The following CDH13 variants were observed in gnomAD, a reference collection of about 807,000 sequenced individuals.
CDH13 encodes the protein cadherin 13, also known as cadherin-13.
In CDH13, 24 loss-of-function variants were observed where a neutral mutation model predicts 63.8. The ratio of observed to expected loss-of-function variants is 0.38; its 90% CI spans 0.27 to 0.53. The LOEUF (loss-of-function observed/expected upper bound fraction) is 0.53. CDH13 is among the 20% of genes least tolerant of loss of function. CDH13 has a pLI of 0.85. For missense variants in CDH13, 1,049 were observed against 903.1 expected (o/e 1.16, Z -2.07); for synonymous variants, 503 against 355.3 (o/e 1.42, Z -4.67).
intron 10 of CDH13, among the ~76,000 whole-genome samples, chr16:83,736,456 T>A (rs1331080818): frequency 6.6e-6 from 1 of 152,208 alleles, no homozygotes; most frequent in Non-Finnish European, 1.5e-5. Context: ...ACCCTGAATC[T>A]CTTTGTCTGT....
intron 3 of CDH13, among the ~76,000 whole-genome samples, chr16:83,124,762 A>C (rs1415725484): frequency 6.6e-6 from 1 of 152,186 alleles, no homozygotes; most frequent in Non-Finnish European, 1.5e-5. Flanking sequence ...GTTTAGGCCA[A>C]CACCATTTAT....
intron 1 of CDH13, among the ~76,000 whole-genome samples, chr16:82,781,824 C>G (rs2035768393): frequency 6.6e-6 from 1 of 152,162 alleles, no homozygotes; most frequent in African/African-American, 2.4e-5. Flanking sequence ...CCTTAAAGAG[C>G]TTAGGATCTA....
intron 6 of CDH13, among the ~76,000 whole-genome samples, chr16:83,401,019 G>A (rs776293976): frequency 4.6e-5 from 7 of 152,058 alleles, no homozygotes; most frequent in Non-Finnish European, 7.4e-5. Flanking sequence ...CCTGGCCAAC[G>A]TGGTGAAACC....
At chr16:82,711,353 G>A (rs183191238) in intron 1 of CDH13, among the ~76,000 whole-genome samples, 1 of 152,260 alleles carries the variant, frequency 6.6e-6, no homozygotes, top group Admixed American at 6.5e-5. Flanking sequence ...TTTTAAACCT[G>A]TGTTCTCCAG....
intron 2 of CDH13, among the ~76,000 whole-genome samples, chr16:82,911,943 C>T (rs903890302): frequency 1.3e-5 from 2 of 152,022 alleles, no homozygotes; most frequent in Non-Finnish European, 1.5e-5. Context: ...CCACCCGGCA[C>T]TTGCTGACTC....
chr16:83,527,436 G>A (rs113625703), intron 7 of CDH13, among the ~76,000 whole-genome samples: 8,304 of 151,220 alleles, frequency 0.055, 752 homozygotes, highest in African/African-American at 0.19. Flanking sequence ...GCGACAAAGC[G>A]AGACCCCATC....
At chr16:82,740,651 A>C (rs2033886592) in intron 1 of CDH13, among the ~76,000 whole-genome samples, 1 of 152,124 alleles carries the variant, frequency 6.6e-6, no homozygotes, top group African/African-American at 2.4e-5. Context: ...CATTCTTCTG[A>C]GGACAGCGTG....
intron 6 of CDH13, among the ~76,000 whole-genome samples, chr16:83,388,340 C>T (rs992693981): frequency 2.6e-5 from 4 of 151,090 alleles, no homozygotes. Flanking sequence ...GTAGTCCCAA[C>T]TACTTGGGAG....
Position 83,736,594 on chromosome 16 carries a change from C to T in CDH13, c.1539-11514C>T, listed in dbSNP as rs745332103. Among the ~76,000 whole-genome samples the T allele has an allele frequency of 9.9e-5, 15 of 151,562 alleles. 1 individual carries two copies. The highest frequency in any genetic ancestry group is 1.8e-4 in the Non-Finnish European group (12 of 67,974). On this transcript the variant is annotated intron_variant, in intron 10 of 13. Transcript: ENST00000567109. ...AAAGACACTTATAAAGTTGTGAAGA[C>T]GTTGTTTCCTTACTCTAATAGCTGC...
At chr16:83,284,803 A>C (rs2089267945) in intron 5 of CDH13, among the ~76,000 whole-genome samples, 1 of 152,186 alleles carries the variant, frequency 6.6e-6, no homozygotes, top group Non-Finnish European at 1.5e-5. Context: ...AGTATAATAC[A>C]ATATAATGTG....
At chr16:83,484,286 T>C (rs981319454) in intron 6 of CDH13, among the ~76,000 whole-genome samples, 2 of 152,220 alleles carry the variant, frequency 1.3e-5, no homozygotes, top group East Asian at 3.9e-4. Flanking sequence ...TCCTTTAGGC[T>C]TCAGTGTTTT....
At chr16:83,367,223 A>T (rs915910523) in intron 6 of CDH13, among the ~76,000 whole-genome samples, 1 of 152,190 alleles carries the variant, frequency 6.6e-6, no homozygotes, top group African/African-American at 2.4e-5. Context: ...GCAGTCATGC[A>T]ATATGTGGCC....
At position 83,798,664 on chromosome 16, in the gene CDH13, C is replaced by T. The variant is rs948276900; in HGVS notation, c.*3634C>T. 6.6e-6 allele frequency: 1 copy of T among 152,172 alleles called. No individual in the cohort carries two copies. The highest frequency in any genetic ancestry group is 6.5e-5 in the Admixed American group (1 of 15,276). The allele number at this position is 152,172 out of a possible 1,614,324, so 9.4% of individuals were successfully genotyped here. On this transcript the variant is annotated 3_prime_UTR_variant, in exon 14 of 14. Transcript: ENST00000567109. ...TGCCACTCTCAACCCAGGAGCAAAA[C>T]CAGACAAAGTGCCTACTGCAGACCG...
At chr16:83,443,298 C>T (rs9939319) in intron 6 of CDH13, among the ~76,000 whole-genome samples, 59,561 of 151,888 alleles carry the variant, frequency 0.39, 12,020 homozygotes, top group African/African-American at 0.48. Context: ...GCTGGGAGGC[C>T]CTTCCGCAAC....
intron 7 of CDH13, among the ~76,000 whole-genome samples, chr16:83,543,188 A>G (rs2075324909): frequency 1.3e-5 from 2 of 152,242 alleles, no homozygotes; most frequent in South Asian, 4.1e-4. Flanking sequence ...TGCATAAAAG[A>G]CTTCGATATT....
At chr16:83,655,368 A>G (rs1474247472) in intron 8 of CDH13, 1 of 152,288 alleles carries the variant, frequency 6.6e-6, no homozygotes, top group African/African-American at 2.4e-5. Flanking sequence ...ACCGAGGCTT[A>G]CAGAGGTGAA....
intron 8 of CDH13, among the ~76,000 whole-genome samples, chr16:83,619,282 G>A (rs1430991333): frequency 1.3e-5 from 2 of 152,192 alleles, no homozygotes; most frequent in Non-Finnish European, 2.9e-5. Context: ...GGGACAACCA[G>A]CCAACCAGCA....
rs937503223 is a variant in CDH13, at chr16:83,462,440, G to A, written c.782-24037G>A. On this transcript the variant is annotated intron_variant, in intron 6 of 13. Transcript: ENST00000567109. Reference sequence around the variant, plus strand: ...GGGTCAGGGACAGCTTACTATTGCAGAAGGTGGTGAGATCAAGAAAGAAAT... The same window carrying A: ...GGGTCAGGGACAGCTTACTATTGCAAAAGGTGGTGAGATCAAGAAAGAAAT... Among the ~76,000 whole-genome samples, 9 of 152,354 alleles carry A rather than the reference G, an allele frequency of 5.9e-5. No homozygotes were observed. The East Asian group carries it at 1.7e-3, about 29-fold the overall frequency.
At chr16:83,076,433 C>T (rs1293972494) in intron 3 of CDH13, among the ~76,000 whole-genome samples, 2 of 152,214 alleles carry the variant, frequency 1.3e-5, no homozygotes, top group East Asian at 3.9e-4. Context: ...AGACAAAGAT[C>T]CTTGCATGGC....
Sources: allele counts gnomAD v4.1 joint callset (sites outside exome capture counted in the v4.1 genomes callset), GRCh38; gene constraint gnomAD v4.1.1; transcripts MANE v1.5; gene names NCBI Gene and HGNC (gene_info 2026-07-23, HGNC 2026-07-21).